The following CSMD1 variants were observed in gnomAD, a reference collection of about 807,000 sequenced individuals.
CSMD1 encodes CUB and Sushi multiple domains 1, also known as CUB and sushi domain-containing protein 1.
A neutral mutation model predicts 417.5 loss-of-function variants in CSMD1; 213 were observed. The observed-to-expected ratio is 0.51, with a 90% CI of 0.46 to 0.57. CSMD1 has a LOEUF of 0.57. CSMD1 is among the 20% of genes least tolerant of loss of function. The pLI, the probability that CSMD1 is intolerant of heterozygous loss-of-function variation, is 0.00. For synonymous variants in CSMD1, 2,862 were observed against 1,736.8 expected (o/e 1.65, Z -16.11); for missense variants, 6,923 against 4,529.7 (o/e 1.53, Z -15.17).
chr8:4,506,316 T>C (rs1802523563), intron 2 of CSMD1, among the ~76,000 whole-genome samples: 3 of 152,102 alleles, frequency 2.0e-5, no homozygotes, highest in Admixed American at 2.0e-4. Flanking sequence ...GAGTACCAGC[T>C]ACCCACTGAA....
intron 40 of CSMD1, among the ~76,000 whole-genome samples, chr8:3,143,473 T>C (rs954406114): frequency 9.2e-5 from 14 of 152,240 alleles, no homozygotes; most frequent in Admixed American, 9.2e-4. Context: ...AAATAAACTA[T>C]GGCTGATAAT....
At chr8:2,977,337 T>C (rs1478127683) in intron 55 of CSMD1, among the ~76,000 whole-genome samples, 3 of 152,140 alleles carry the variant, frequency 2.0e-5, no homozygotes, top group Non-Finnish European at 2.9e-5. Context: ...TACTTATAAG[T>C]GAGAATTTGT....
chr8:3,209,686 C>T (rs1295723229), intron 30 of CSMD1, among the ~76,000 whole-genome samples: 1 of 152,088 alleles, frequency 6.6e-6, no homozygotes, highest in East Asian at 1.9e-4. Flanking sequence ...TGGTGCTTCT[C>T]ACCTTAGAAG....
At chr8:4,418,698 A>AC (rs1797084368) in intron 3 of CSMD1, among the ~76,000 whole-genome samples, 1 of 152,228 alleles carries the variant, frequency 6.6e-6, no homozygotes, top group African/African-American at 2.4e-5. Flanking sequence ...ATGAAGTGGT[A>AC]CATTGATATC....
intron 36 of CSMD1, among the ~76,000 whole-genome samples, chr8:3,181,961 T>C (rs1465429926): frequency 2.0e-5 from 3 of 152,140 alleles, no homozygotes; most frequent in Non-Finnish European, 2.9e-5. Context: ...GGAAAAATAA[T>C]AGACAAGTTT....
chr8:4,172,520 T>G (rs1797823209), intron 3 of CSMD1, among the ~76,000 whole-genome samples: 1 of 152,078 alleles, frequency 6.6e-6, no homozygotes, highest in Non-Finnish European at 1.5e-5. Context: ...AACAATATTC[T>G]CTAACTATTT....
chr8:4,387,230 T>A (rs1267147922), intron 3 of CSMD1, among the ~76,000 whole-genome samples: 1 of 152,172 alleles, frequency 6.6e-6, no homozygotes, highest in Non-Finnish European at 1.5e-5. Flanking sequence ...CAAATGTAAA[T>A]ATTTTATGCT....
At chr8:3,150,549 C>T (rs771075776) in intron 40 of CSMD1, among the ~76,000 whole-genome samples, 2 of 152,202 alleles carry the variant, frequency 1.3e-5, no homozygotes, top group Admixed American at 6.5e-5. Context: ...TGATCTTCTT[C>T]CAGGGCAGTT....
At chr8:3,012,325 T>G (rs543101540) in intron 52 of CSMD1, among the ~76,000 whole-genome samples, 1 of 152,256 alleles carries the variant, frequency 6.6e-6, no homozygotes, top group Admixed American at 6.5e-5. Context: ...AATACAGCTG[T>G]CCTATAGTTG....
At chr8:3,464,474 T>C (rs1216689803) in intron 12 of CSMD1, among the ~76,000 whole-genome samples, 1 of 151,868 alleles carries the variant, frequency 6.6e-6, no homozygotes, top group Non-Finnish European at 1.5e-5. Flanking sequence ...TATTTTCAAA[T>C]ATAAAATGGA....
chr8:4,976,723 C>G (rs1810582858), intron 1 of CSMD1, among the ~76,000 whole-genome samples: 1 of 152,162 alleles, frequency 6.6e-6, no homozygotes, highest in Non-Finnish European at 1.5e-5. Context: ...CATGCCATGT[C>G]CAGCATGTCC....
intron 3 of CSMD1, among the ~76,000 whole-genome samples, chr8:4,344,634 G>T (rs571476894): frequency 6.6e-6 from 1 of 151,734 alleles, no homozygotes; most frequent in East Asian, 1.9e-4. Context: ...CTCAAAGGAA[G>T]GTTTGTTTAA....
rs536778377 is a variant in CSMD1 at position 3,793,891 on chromosome 8, G to A, written c.819-39849C>T. ...TCGCTGATGGACCATTTGTCAAATC[G>A]CAGAGTTCCCTTTGGAATTGCTGTG... On this transcript the variant is annotated intron_variant, in intron 5 of 69. Transcript: ENST00000635120. Among the ~76,000 whole-genome samples the A allele has an allele frequency of 1.2e-4, 19 of 152,176 alleles. No individual in the cohort carries two copies. The East Asian group carries it at 3.5e-3, about 28-fold the overall frequency.
chr8:4,873,869 T>C (rs534052470), intron 1 of CSMD1, among the ~76,000 whole-genome samples: 1 of 152,124 alleles, frequency 6.6e-6, no homozygotes, highest in Non-Finnish European at 1.5e-5. Context: ...GAATACTTTT[T>C]GAAGCACTAC....
intron 2 of CSMD1, among the ~76,000 whole-genome samples, chr8:4,444,623 C>G (rs1334332924): frequency 6.6e-6 from 1 of 152,084 alleles, no homozygotes; most frequent in Non-Finnish European, 1.5e-5. Context: ...TAGATGCCAT[C>G]TGTAAACATG....
At chr8:3,441,647 G>C (rs1463853125) in intron 12 of CSMD1, among the ~76,000 whole-genome samples, 1 of 152,012 alleles carries the variant, frequency 6.6e-6, no homozygotes, top group African/African-American at 2.4e-5. Flanking sequence ...ATTGATCATA[G>C]CACAATGCAT....
In CSMD1 at chr8:3,308,354, C is replaced by T; in HGVS notation, c.3781G>A (p.Gly1261Arg). Residue 1261 changes from glycine (G) to arginine (R), a missense_variant, in exon 24 of 70, where the codon GGA becomes AGA. By Grantham distance (125) the Gly-to-Arg change is moderately radical (BLOSUM62 -2). Coordinates refer to ENST00000635120, the MANE Select transcript of CSMD1 (RefSeq NM_033225.6). ...HGSNTLTCLSGDRRVWDKPLP... is the reference protein window; with the variant it reads ...HGSNTLTCLSRDRRVWDKPLP... ...GGTTTGTCCCACACTCTCCTGTCTC[C>T]ACTCAAACAGGTCAGGGTGTTGCTG... 1 of 1,613,540 alleles carries T rather than the reference C, an allele frequency of 6.2e-7. No homozygotes were observed. The highest frequency in any genetic ancestry group is 8.5e-7 in the Non-Finnish European group (1 of 1,179,614).
intron 49 of CSMD1, among the ~76,000 whole-genome samples, chr8:3,064,144 T>C (rs575346646): frequency 6.6e-6 from 1 of 152,316 alleles, no homozygotes; most frequent in East Asian, 1.9e-4. Context: ...GGTTACTGAA[T>C]ACGTTTTCAA....
At position 4,441,095 on chromosome 8, in the gene CSMD1, G is replaced by GTTTTTTTTTTTTTTTTTTTTTGTT. The variant is rs1798445746; in HGVS notation, c.303-21031_303-21030insAACAAAAAAAAAAAAAAAAAAAAA. Among the ~76,000 whole-genome samples, 3 of 51,294 alleles carry GTTTTTTTTTTTTTTTTTTTTTGTT rather than the reference G, an allele frequency of 5.8e-5. 1 individual carries two copies. Among genetic ancestry groups the GTTTTTTTTTTTTTTTTTTTTTGTT allele is most frequent in the Non-Finnish European group, 1.1e-4 (3 of 27,812 alleles). The allele number at this position is 51,294 out of a possible 152,430, so 33.7% of individuals were successfully genotyped here. ...AATAATTTGACTCGTTAATCAAAAGGTTTTTTTTTTTTTTTTTTTTTTTAA... is the reference window on the plus strand; with the variant it reads ...AATAATTTGACTCGTTAATCAAAAGGTTTTTTTTTTTTTTTTTTTTTGTTTTTTTTTTTTTTTTTTTTTTTTTAA... On this transcript the variant is annotated intron_variant, in intron 2 of 69. Coordinates refer to ENST00000635120, the MANE Select transcript of CSMD1 (RefSeq NM_033225.6).
Sources: allele counts gnomAD v4.1 joint callset (sites outside exome capture counted in the v4.1 genomes callset), GRCh38; gene constraint gnomAD v4.1.1; transcripts MANE v1.5; gene names NCBI Gene and HGNC (gene_info 2026-07-23, HGNC 2026-07-21).